ARHGEF3: variants seen among roughly 807,000 people sequenced by gnomAD.
ARHGEF3 encodes the protein 59.8 kDA protein.
In ARHGEF3, 28 loss-of-function variants were observed where a neutral mutation model predicts 63.2. The ratio of observed to expected loss-of-function variants is 0.44; its 90% CI spans 0.33 to 0.61. The LOEUF (loss-of-function observed/expected upper bound fraction) is 0.61, where lower values mean the gene tolerates loss of function less well. Ranked by LOEUF, ARHGEF3 falls within the 20% of genes least tolerant of loss-of-function variation. ARHGEF3 has a pLI of 0.03. For synonymous variants in ARHGEF3, 266 were observed against 254.2 expected (o/e 1.05, Z -0.44); for missense variants, 533 against 659.3 (o/e 0.81, Z 2.10).
At chr3:56,795,653 C>CTTTTTTTTTTTT (rs1324495358) in intron 1 of ARHGEF3, among the ~76,000 whole-genome samples, 2 of 69,272 alleles carry the variant, frequency 2.9e-5, no homozygotes, top group Admixed American at 1.4e-4. Context: ...CAGTCTCTCT[C>CTTTTTTTTTTTT]TCTTTTTTTT....
At chr3:57,009,657 G>A (rs977644293) in intron 2 of ARHGEF3, among the ~76,000 whole-genome samples, 33 of 152,316 alleles carry the variant, frequency 2.2e-4, no homozygotes, top group Middle Eastern at 3.4e-3. Flanking sequence ...AGTGCGTGGA[G>A]AAGACTCCCA....
At chr3:57,032,444 A>T (rs1415654637) in intron 2 of ARHGEF3, among the ~76,000 whole-genome samples, 1 of 152,250 alleles carries the variant, frequency 6.6e-6, no homozygotes, top group African/African-American at 2.4e-5. Context: ...TCAGCACTCA[A>T]CAAATGTGGG....
chr3:56,948,950 C>T (rs573758165), intron 3 of ARHGEF3, among the ~76,000 whole-genome samples: 1 of 152,016 alleles, frequency 6.6e-6, no homozygotes, highest in Non-Finnish European at 1.5e-5. Flanking sequence ...GGGCTTCATC[C>T]CTGGGATGCA....
chr3:56,735,352 G>A (rs1478221278), intron 8 of ARHGEF3, among the ~76,000 whole-genome samples: 1 of 151,894 alleles, frequency 6.6e-6, no homozygotes, highest in Non-Finnish European at 1.5e-5. Context: ...TCTCTTATTG[G>A]TCTCAGCTCC....
chr3:56,994,185 G>C (rs182475442), intron 2 of ARHGEF3, among the ~76,000 whole-genome samples: 1 of 150,972 alleles, frequency 6.6e-6, no homozygotes, highest in East Asian at 2.0e-4. Context: ...GCTTTGTTAA[G>C]TAAGTAAATG....
chr3:56,995,246 T>A (rs1415930027), intron 2 of ARHGEF3, among the ~76,000 whole-genome samples: 2 of 152,136 alleles, frequency 1.3e-5, no homozygotes, highest in Non-Finnish European at 2.9e-5. Flanking sequence ...TGCTATGAGC[T>A]GAGGCCGGCG....
chr3:56,859,361 G>A lies in ARHGEF3; in HGVS notation c.192+22931C>T, dbSNP rs150454783. ...TCACCGTGTTAGCCAGGATGGTCTCGATCTCCTGACCTCGTGATCCGCCTA... is the reference window on the plus strand; with the variant it reads ...TCACCGTGTTAGCCAGGATGGTCTCAATCTCCTGACCTCGTGATCCGCCTA... On this transcript the variant is annotated intron_variant, in intron 4 of 12. Transcript: ENST00000338458. Among the ~76,000 whole-genome samples, 985 of 151,852 alleles carry A rather than the reference G, an allele frequency of 6.5e-3. 11 individuals carry two copies. Among genetic ancestry groups the A allele is most frequent in the African/African-American group, 0.023 (941 of 41,374 alleles).
chr3:56,973,551 A>C (rs1006225463), intron 2 of ARHGEF3, among the ~76,000 whole-genome samples: 4 of 152,130 alleles, frequency 2.6e-5, no homozygotes, highest in African/African-American at 9.7e-5. Context: ...ATATAAGGAG[A>C]CTATTTTCAG....
At chr3:57,047,951 G>A (rs914242660) in intron 1 of ARHGEF3, among the ~76,000 whole-genome samples, 2 of 152,072 alleles carry the variant, frequency 1.3e-5, no homozygotes, top group African/African-American at 4.8e-5. Flanking sequence ...CACCCAGAAG[G>A]CAAGATTGTA....
intron 1 of ARHGEF3, among the ~76,000 whole-genome samples, chr3:56,786,055 C>T (rs1275973910): frequency 3.3e-5 from 5 of 152,144 alleles, no homozygotes; most frequent in Non-Finnish European, 7.4e-5. Context: ...CAAATTATCC[C>T]TTCAAATGTT....
At chr3:56,831,053 T>C (rs75665326) in intron 4 of ARHGEF3, among the ~76,000 whole-genome samples, 1 of 152,144 alleles carries the variant, frequency 6.6e-6, no homozygotes, top group Non-Finnish European at 1.5e-5. Context: ...AAGACAGAGA[T>C]CTTGTCCCTC....
upstream of ARHGEF3, among the ~76,000 whole-genome samples, chr3:56,804,475 C>T (rs931175410): frequency 3.9e-5 from 6 of 152,194 alleles, no homozygotes; most frequent in Non-Finnish European, 7.3e-5. Context: ...CACACTAAAT[C>T]CACTTACTTT....
At chr3:56,892,861 CA>C (rs2041168617) in intron 3 of ARHGEF3, among the ~76,000 whole-genome samples, 1 of 152,218 alleles carries the variant, frequency 6.6e-6, no homozygotes, top group Non-Finnish European at 1.5e-5. Context: ...AACAGTTCCC[CA>C]AATGCCAACG....
chr3:56,998,553 A>G (rs965002870), intron 2 of ARHGEF3, among the ~76,000 whole-genome samples: 4 of 152,088 alleles, frequency 2.6e-5, no homozygotes, highest in Non-Finnish European at 4.4e-5. Context: ...TCATGACCTC[A>G]GCAGTCATCT....
rs2032911457 is a variant in ARHGEF3, at chr3:56,728,985, T to C, written c.*285A>G. Reference sequence around the variant, plus strand: ...GTTTTGAGATTCTTTTTCTATTTTTTTAAAATCCAGCAGGACAACTGAAAG... The same window carrying C: ...GTTTTGAGATTCTTTTTCTATTTTTCTAAAATCCAGCAGGACAACTGAAAG... On this transcript the variant is annotated 3_prime_UTR_variant, in exon 10 of 10. Coordinates refer to ENST00000296315, the MANE Select transcript of ARHGEF3 (RefSeq NM_019555.3). 3.2e-6 allele frequency: 1 copy of C among 313,452 alleles called. No homozygotes were observed. The highest frequency in any genetic ancestry group is 2.1e-5 in the African/African-American group (1 of 46,974). The allele number at this position is 313,452 out of a possible 1,614,324, so 19.4% of individuals were successfully genotyped here.
chr3:56,801,618 C>T lies in ARHGEF3; in HGVS notation c.96+85G>A, dbSNP rs1251455222. On this transcript the variant is annotated intron_variant, in intron 1 of 9. Coordinates refer to ENST00000296315, the MANE Select transcript of ARHGEF3 (RefSeq NM_019555.3). ...AGAGATGGAAACAGAGACAGTGACA[C>T]TGGACGGGCGCCGAGAATGGGAGAT... 6.1e-6 allele frequency: 9 copies of T among 1,486,898 alleles called. No individual in the cohort carries two copies. In the African/African-American group the frequency reaches 7.0e-5, roughly 12 times the overall value. The allele number at this position is 1,486,898 out of a possible 1,614,324, so 92.1% of individuals were successfully genotyped here.
intron 2 of ARHGEF3, among the ~76,000 whole-genome samples, chr3:56,982,494 G>A (rs1268730076): frequency 1.3e-5 from 2 of 151,996 alleles, no homozygotes; most frequent in East Asian, 3.9e-4. Flanking sequence ...TGGAAACTGT[G>A]GCCCTCTCCA....
chr3:56,958,905 C>T (rs374556385), intron 2 of ARHGEF3: 23 of 1,545,538 alleles, frequency 1.5e-5, no homozygotes, highest in Middle Eastern at 3.3e-4. Flanking sequence ...AGAGAAAAGA[C>T]AATGTATTCA....
At chr3:56,760,731 T>A (rs754670243) in intron 2 of ARHGEF3, among the ~76,000 whole-genome samples, 1 of 152,170 alleles carries the variant, frequency 6.6e-6, no homozygotes, top group African/African-American at 2.4e-5. Context: ...ACTGTTTACA[T>A]GCAAGACATG....
Sources: allele counts gnomAD v4.1 joint callset (sites outside exome capture counted in the v4.1 genomes callset), GRCh38; gene constraint gnomAD v4.1.1; transcripts MANE v1.5; gene names NCBI Gene and HGNC (gene_info 2026-07-23, HGNC 2026-07-21).